The following IKBKB variants were observed in gnomAD, a reference collection of about 807,000 sequenced individuals.
IKBKB encodes the protein inhibitor of nuclear factor kappa B kinase subunit beta.
Under a neutral mutation model 113.6 loss-of-function variants are expected in IKBKB, and 42 were observed. That is an observed-to-expected ratio of 0.37 (90% CI 0.29 to 0.48). The LOEUF is 0.48. Ranked by LOEUF, IKBKB falls within the 20% of genes least tolerant of loss-of-function variation. The probability of loss-of-function intolerance (pLI) is 0.99; values close to 1 mark genes in which losing one functional copy is unlikely to be tolerated. For synonymous variants in IKBKB, 296 were observed against 361.3 expected, an observed-to-expected ratio of 0.82 and a Z score of 2.05; for missense variants, 673 against 939.7, an observed-to-expected ratio of 0.72 and a Z score of 3.71.
intron 16 of IKBKB, chr8:42,321,084 C>T (rs989315360): frequency 9.8e-6 from 4 of 410,172 alleles, no homozygotes; most frequent in Non-Finnish European, 1.7e-5. Flanking sequence ...GCATTTGAGA[C>T]GCAGGCCATA....
rs1363685414 is a variant in IKBKB at position 42,288,668 on chromosome 8, G to A, written c.140G>A (p.Arg47Gln). Residue 47 changes from arginine (R) to glutamine (Q), a missense_variant, in exon 3 of 22, where the codon CGG becomes CAG. Arg to Gln is a conservative substitution (Grantham distance 43, BLOSUM62 1). Transcript: ENST00000520810. Reference sequence around the variant, plus strand: ...GAGCAGATTGCCATCAAGCAGTGCCGGCAGGAGCTCAGCCCCCGGAACCGA... The same window carrying A: ...GAGCAGATTGCCATCAAGCAGTGCCAGCAGGAGCTCAGCCCCCGGAACCGA... ...TGEQIAIKQC[R>Q]QELSPRNRER... 6.2e-7 allele frequency: 1 copy of A among 1,611,670 alleles called. No individual in the cohort carries two copies. Among genetic ancestry groups the A allele is most frequent in the Non-Finnish European group, 8.5e-7 (1 of 1,178,904 alleles).
At position 42,288,139 on chromosome 8, in the gene IKBKB, C is replaced by G. The variant is rs534321666; in HGVS notation, c.106-495C>G. On this transcript the variant is annotated intron_variant, in intron 2 of 21. Coordinates refer to ENST00000520810, the MANE Select transcript of IKBKB (RefSeq NM_001556.3). Reference sequence around the variant, plus strand: ...CGGTGGCTCACGTCTGTAATCCCAGCACATTGAGAGTGCGAGGCGGGCAGA... The same window carrying G: ...CGGTGGCTCACGTCTGTAATCCCAGGACATTGAGAGTGCGAGGCGGGCAGA... Among the ~76,000 whole-genome samples, 25 of 152,130 alleles carry G rather than the reference C, an allele frequency of 1.6e-4. No homozygotes were observed. In the East Asian group the frequency reaches 3.5e-3, roughly 21 times the overall value.
chr8:42,277,180 ATTTTTTT>A lies in IKBKB; in HGVS notation c.105+4989_105+4995del, dbSNP rs751878075. Among the ~76,000 whole-genome samples the A allele has an allele frequency of 1.6e-3, 135 of 84,908 alleles. 2 individuals carry two copies. In the East Asian group the frequency reaches 0.024, roughly 15 times the overall value. The allele number at this position is 84,908 out of a possible 152,430, so 55.7% of individuals were successfully genotyped here. ...CACCGCACCCGGCCACGTGTGGCTA[ATTTTTTT>A]TTTTTTTTTTTTTGCAACGGAGTCA... is the stretch of plus-strand genomic sequence containing the variant. On this transcript the variant is annotated intron_variant, in intron 2 of 21. Transcript: ENST00000520810.
chr8:42,321,769 T>C (rs1052586738), intron 16 of IKBKB, 127 bp from the exon 17 acceptor site: 15 of 646,476 alleles, frequency 2.3e-5, no homozygotes, highest in African/African-American at 1.6e-4. Flanking sequence ...GGCAAGAAGA[T>C]TGCTTGTGAG....
At chr8:42,323,933 G>C (rs1435765263) in intron 19 of IKBKB, among the ~76,000 whole-genome samples, 2 of 152,206 alleles carry the variant, frequency 1.3e-5, no homozygotes, top group Admixed American at 6.5e-5. Flanking sequence ...AGGAGGGCCT[G>C]ATCCTTCAAG....
intron 2 of IKBKB, 124 bp downstream of exon 2, chr8:42,272,329 T>TA (rs1807958252): frequency 7.6e-7 from 1 of 1,313,596 alleles, no homozygotes; most frequent in Non-Finnish European, 1.1e-6. Flanking sequence ...GGACAGTGAA[T>TA]AGGGGGACTG....
intron 8 of IKBKB, among the ~76,000 whole-genome samples, chr8:42,313,446 T>G (rs1369318285): frequency 6.6e-6 from 1 of 152,088 alleles, no homozygotes; most frequent in Non-Finnish European, 1.5e-5. Context: ...AAAAAAAAAT[T>G]TTTTTACCTT....
rs186362479 is a variant in IKBKB, at chr8:42,331,549, T to G, written c.*570T>G. On this transcript the variant is annotated 3_prime_UTR_variant, in exon 22 of 22. Coordinates refer to ENST00000520810, the MANE Select transcript of IKBKB (RefSeq NM_001556.3). Reference sequence around the variant, plus strand: ...AGACAGTTTAATTATAGTTGCGGCCTGGCCCCATCCTCACTTCCTCTTTTT... The same window carrying G: ...AGACAGTTTAATTATAGTTGCGGCCGGGCCCCATCCTCACTTCCTCTTTTT... 5.1e-5 allele frequency: 31 copies of G among 611,556 alleles called. No individual in the cohort carries two copies. Among genetic ancestry groups the G allele is most frequent in the Admixed American group, 1.9e-4 (7 of 36,304 alleles). 37.9% of individuals were successfully genotyped at this position (611,556 alleles called of 1,614,324 possible).
At chr8:42,317,886 C>A in intron 12 of IKBKB, 115 bp downstream of exon 12, 1 of 749,256 alleles carries the variant, frequency 1.3e-6, no homozygotes, top group Non-Finnish European at 2.4e-6. Context: ...ATTAATATCG[C>A]CAGTCCTCAG....
intron 2 of IKBKB, among the ~76,000 whole-genome samples, chr8:42,278,889 G>C (rs1385926731): frequency 2.0e-5 from 3 of 152,160 alleles, no homozygotes; most frequent in Non-Finnish European, 4.4e-5. Context: ...AACTACTCAG[G>C]AGGCTGAGGC....
At chr8:42,272,931 C>T (rs1808110454) in intron 2 of IKBKB, among the ~76,000 whole-genome samples, 1 of 134,624 alleles carries the variant, frequency 7.4e-6, no homozygotes, top group Non-Finnish European at 1.5e-5. Flanking sequence ...CAGAGTGAGA[C>T]TCCGTCTCAA....
rs762176233 is a variant in IKBKB, at chr8:42,319,228, A to T, written c.1365-42A>T. 34 of 1,596,318 alleles carry T rather than the reference A, an allele frequency of 2.1e-5. No homozygotes were observed. The South Asian group carries it at 3.6e-4, about 17-fold the overall frequency. ...TTATTGTACAGGAAATGGAATTTGG[A>T]TCCCAGAGATGCTCCAAGACTGTTC... On this transcript the variant is annotated intron_variant, in intron 13 of 21. Transcript: ENST00000520810.
chr8:42,273,096 G>A lies in IKBKB; in HGVS notation c.105+891G>A, dbSNP rs541323676. Among the ~76,000 whole-genome samples the A allele has an allele frequency of 7.2e-5, 11 of 152,142 alleles. No individual in the cohort carries two copies. The South Asian group carries it at 2.3e-3, about 32-fold the overall frequency. ...CACTCTAGCCTAGGTGACAGAGTGA[G>A]ACCTTGTTTCAAAACCATTTTTTAA... On this transcript the variant is annotated intron_variant, in intron 2 of 21. Transcript: ENST00000520810.
At chr8:42,307,663 C>T (rs762554565) in intron 7 of IKBKB, among the ~76,000 whole-genome samples, 4 of 152,114 alleles carry the variant, frequency 2.6e-5, no homozygotes, top group Non-Finnish European at 5.9e-5. Context: ...GTGATTCAGG[C>T]GCCTGTGTCC....
chr8:42,308,337 GC>G (rs1353691041), intron 7 of IKBKB, among the ~76,000 whole-genome samples: 3 of 131,632 alleles, frequency 2.3e-5, no homozygotes, highest in Non-Finnish European at 4.6e-5. Flanking sequence ...TCACTCTGTT[GC>G]CCAGGCTGGA....
At chr8:42,319,463 T>G in intron 14 of IKBKB, 42 bp downstream of exon 14, 3 of 1,612,088 alleles carry the variant, frequency 1.9e-6, no homozygotes, top group Non-Finnish European at 2.5e-6. Flanking sequence ...CACCATTTTT[T>G]TTTCTTTTTC....
intron 6 of IKBKB, among the ~76,000 whole-genome samples, chr8:42,306,063 G>A (rs79850881): frequency 4.7e-4 from 71 of 152,346 alleles, no homozygotes; most frequent in Non-Finnish European, 5.9e-4. Context: ...GCTGTCTTGA[G>A]GGCTGGTGCC....
intron 9 of IKBKB, among the ~76,000 whole-genome samples, chr8:42,315,092 CAT>C (rs1818422910): frequency 6.6e-6 from 1 of 152,358 alleles, no homozygotes; most frequent in African/African-American, 2.4e-5. Flanking sequence ...TTCCACCCCT[CAT>C]GTGGCCCAAT....
chr8:42,305,229 G>A lies in IKBKB; in HGVS notation c.431G>A (p.Arg144Gln). The A allele has an allele frequency of 6.2e-7, 1 of 1,613,890 alleles. No individual in the cohort carries two copies. The highest frequency in any genetic ancestry group is 8.5e-7 in the Non-Finnish European group (1 of 1,179,864). Reference sequence around the variant, plus strand: ...CTTCATGAAAACAGAATCATCCATCGGGATCTAAAGCCAGAAAACATCGTC... The same window carrying A: ...CTTCATGAAAACAGAATCATCCATCAGGATCTAAAGCCAGAAAACATCGTC... ...RYLHENRIIHRDLKPENIVLQ... is the reference protein window; with the variant it reads ...RYLHENRIIHQDLKPENIVLQ... The change falls in exon 6 of 22, where the codon CGG becomes CAG. Residue 144 changes from arginine (R) to glutamine (Q), a missense_variant. Around this residue, in one of 2 missense-constraint regions of IKBKB, gnomAD observed 167 missense variants for 301.0 expected, o/e 0.55. Transcript: ENST00000520810.
Sources: gnomAD v4.1 joint callset for allele counts (sites outside exome capture counted in the v4.1 genomes callset) on GRCh38, gnomAD v4.1.1 for gene constraint, gnomAD v4.1.1 regional missense constraint, MANE v1.5 for transcripts, NCBI Gene and HGNC (gene_info 2026-07-23, HGNC 2026-07-21) for gene names.